Variants in ADAMTS17 observed in about 807,000 individuals in gnomAD.
ADAMTS17 encodes the protein A disintegrin and metalloproteinase with thrombospondin motifs 17.
Under a neutral mutation model 141.5 loss-of-function variants are expected in ADAMTS17, and 113 were observed. The ratio of observed to expected loss-of-function variants is 0.80; its 90% CI spans 0.69 to 0.93. The LOEUF is 0.93. Among genes scored for constraint, ADAMTS17 ranks in the 40% least tolerant of loss-of-function variants. The pLI is 0.00. For synonymous variants in ADAMTS17, 768 were observed against 630.6 expected (o/e 1.22, Z -3.27); for missense variants, 1,659 against 1,517.9 (o/e 1.09, Z -1.54).
chr15:100,047,882 C>CTCT (rs1279978797), intron 18 of ADAMTS17, among the ~76,000 whole-genome samples: 2 of 152,200 alleles, frequency 1.3e-5, no homozygotes, highest in African/African-American at 4.8e-5. Flanking sequence ...CTGCAGTGAG[C>CTCT]TCTTCCTCCA....
At chr15:100,331,970 GAGAT>G (rs145383294) in intron 2 of ADAMTS17, among the ~76,000 whole-genome samples, 19,504 of 152,008 alleles carry the variant, frequency 0.13, 1,382 homozygotes, top group African/African-American at 0.17. Context: ...TAAGCCAAAT[GAGAT>G]AGACCCCAGC....
chr15:100,061,623 T>A (rs761309323), intron 15 of ADAMTS17, among the ~76,000 whole-genome samples: 16 of 152,222 alleles, frequency 1.1e-4, no homozygotes, highest in Non-Finnish European at 2.2e-4. Context: ...TCTGTCATTC[T>A]AAAATTACCA....
rs1265272745 is a variant in ADAMTS17 at position 99,974,572 on chromosome 15, TAGG to T, written c.3128-13_3128-11del. 1.1e-5 allele frequency: 17 copies of T among 1,613,978 alleles called. No individual in the cohort carries two copies. Among genetic ancestry groups the T allele is most frequent in the Non-Finnish European group, 1.4e-5 (17 of 1,179,982 alleles). On this transcript the variant is annotated splice_polypyrimidine_tract_variant and intron_variant, in intron 21 of 21. Coordinates refer to ENST00000268070, the MANE Select transcript of ADAMTS17 (RefSeq NM_139057.4). Reference sequence around the variant, plus strand: ...TTGTAGGTCAGAGCAGCTAAGGGGATAGGAGAGAGAATACCCAGGGTCAGGGAT... The same window carrying T: ...TTGTAGGTCAGAGCAGCTAAGGGGATAGAGAGAATACCCAGGGTCAGGGAT...
intron 7 of ADAMTS17, among the ~76,000 whole-genome samples, chr15:100,251,704 C>G (rs2043160204): frequency 6.6e-6 from 1 of 152,236 alleles, no homozygotes; most frequent in African/African-American, 2.4e-5. Flanking sequence ...TGCCACTGCA[C>G]TCCAGCCTGG....
At chr15:100,130,600 C>G (rs184292655) in intron 12 of ADAMTS17, among the ~76,000 whole-genome samples, 3 of 152,180 alleles carry the variant, frequency 2.0e-5, no homozygotes, top group Admixed American at 2.0e-4. Context: ...ATAAAATATC[C>G]AATTCCTGGG....
intron 18 of ADAMTS17, among the ~76,000 whole-genome samples, chr15:100,045,225 GTAATCACGT>G: frequency 6.6e-6 from 1 of 152,082 alleles, no homozygotes; most frequent in East Asian, 1.9e-4. Flanking sequence ...TATAATCAAA[GTAATCACGT>G]TAAAAATTAA....
chr15:100,223,510 T>C (rs2042199086), intron 7 of ADAMTS17, among the ~76,000 whole-genome samples: 1 of 152,060 alleles, frequency 6.6e-6, no homozygotes, highest in Admixed American at 6.6e-5. Flanking sequence ...AGCTGGATAT[T>C]GCCTTCCCAG....
chr15:100,102,858 A>G (rs1016008575), intron 14 of ADAMTS17, among the ~76,000 whole-genome samples: 5 of 152,146 alleles, frequency 3.3e-5, no homozygotes, highest in Admixed American at 2.6e-4. Flanking sequence ...CACCATGAGC[A>G]TGCCGATGCA....
intron 15 of ADAMTS17, among the ~76,000 whole-genome samples, chr15:100,067,932 C>A (rs767049865): frequency 1.3e-5 from 2 of 152,086 alleles, no homozygotes; most frequent in Non-Finnish European, 1.5e-5. Flanking sequence ...GTGCACTGAG[C>A]GTGAGCTGAA....
intron 8 of ADAMTS17, among the ~76,000 whole-genome samples, chr15:100,162,845 T>C (rs1173704882): frequency 2.7e-5 from 4 of 146,206 alleles, no homozygotes; most frequent in Admixed American, 7.0e-5. Context: ...TAACTATATA[T>C]AGTTATATAT....
At chr15:100,053,060 C>A (rs182859845) in intron 16 of ADAMTS17, among the ~76,000 whole-genome samples, 1 of 152,200 alleles carries the variant, frequency 6.6e-6, no homozygotes, top group African/African-American at 2.4e-5. Context: ...GGAAGAAGAA[C>A]TTCCACGGAG....
chr15:100,135,270 A>G (rs1596525970), intron 10 of ADAMTS17, among the ~76,000 whole-genome samples: 1 of 151,242 alleles, frequency 6.6e-6, no homozygotes, highest in African/African-American at 2.4e-5. Context: ...GAATTACACC[A>G]TATTAAAATT....
intron 4 of ADAMTS17, among the ~76,000 whole-genome samples, chr15:100,270,707 A>G (rs1308666910): frequency 6.7e-6 from 1 of 148,830 alleles, no homozygotes; most frequent in Non-Finnish European, 1.5e-5. Flanking sequence ...TGGATACTGC[A>G]AAGGCAGGTG....
intron 2 of ADAMTS17, among the ~76,000 whole-genome samples, chr15:100,332,615 G>C (rs1462705420): frequency 6.6e-6 from 1 of 152,240 alleles, no homozygotes; most frequent in Non-Finnish European, 1.5e-5. Flanking sequence ...GCAGTCAGCT[G>C]TTAGTTCTAA....
rs1234694897 is a variant in ADAMTS17 at position 100,341,234 on chromosome 15, C to A, written c.255G>T (p.Leu85=). ...RPGERALLLH[L]PAFGRDLYLQ... ...GGTACAGGTCGCGCCCGAAGGCCGG[C>A]AGGTGCAGCAGCAGGGCGCGCTCTC... The change falls in exon 2 of 22, where the codon CTG becomes CTT. Residue 85 remains leucine, a synonymous_variant. Transcript: ENST00000268070. 2.1e-6 allele frequency: 3 copies of A among 1,413,666 alleles called. No homozygotes were observed. The highest frequency in any genetic ancestry group is 3.0e-5 in the African/African-American group (2 of 66,718). The allele number at this position is 1,413,666 out of a possible 1,614,324, so 87.6% of individuals were successfully genotyped here. A position where few individuals can be genotyped will look rare whatever the true frequency, so the allele number is the denominator to read the frequency against.
chr15:100,133,355 C>T (rs1312896654), intron 10 of ADAMTS17, 40 bp from the exon 11 acceptor site: 2 of 1,545,444 alleles, frequency 1.3e-6, no homozygotes, highest in Non-Finnish European at 1.8e-6. Context: ...TGGAGAACAC[C>T]CACACTCACA....
intron 13 of ADAMTS17, among the ~76,000 whole-genome samples, chr15:100,115,080 G>A (rs1481410588): frequency 6.6e-6 from 1 of 152,192 alleles, no homozygotes; most frequent in South Asian, 2.1e-4. Context: ...AAGTGGGAGT[G>A]GGCAGTAAAG....
At chr15:100,205,555 C>T (rs746740962) in intron 7 of ADAMTS17, among the ~76,000 whole-genome samples, 1 of 152,166 alleles carries the variant, frequency 6.6e-6, no homozygotes, top group Non-Finnish European at 1.5e-5. Flanking sequence ...TGTCAAATCA[C>T]AGTGTGCCTC....
rs1453106191 is a variant in ADAMTS17 at position 100,269,491 on chromosome 15, G to A, written c.790-7056C>T. On this transcript the variant is annotated intron_variant, in intron 4 of 21. Transcript: ENST00000268070. The stretch of plus-strand genomic sequence containing the variant: ...TAGGGGCCAAACAGCATCTATTGCT[G>A]TATTCATTGAGGAAAACTGCTCCCA... Among the ~76,000 whole-genome samples, 5 of 152,172 alleles carry A rather than the reference G, an allele frequency of 3.3e-5. No individual in the cohort carries two copies. In the South Asian group the frequency reaches 1.0e-3, roughly 32 times the overall value.
Sources: gnomAD v4.1 joint callset for allele counts (sites outside exome capture counted in the v4.1 genomes callset) on GRCh38, gnomAD v4.1.1 for gene constraint, MANE v1.5 for transcripts, NCBI Gene and HGNC (gene_info 2026-07-23, HGNC 2026-07-21) for gene names.